The following CNTLN variants were observed in gnomAD, a reference collection of about 807,000 sequenced individuals.
CNTLN encodes centlein.
In CNTLN, 212 loss-of-function variants were observed where a neutral mutation model predicts 180.0. That is an observed-to-expected ratio of 1.18 (90% CI 1.05 to 1.32). The LOEUF is 1.32. Ranked by LOEUF, CNTLN falls within the 40% of genes most tolerant of loss-of-function variation. The probability of loss-of-function intolerance (pLI) is 0.00; values close to 1 mark genes in which losing one functional copy is unlikely to be tolerated. For missense variants in CNTLN, 2,095 were observed against 1,610.9 expected, an observed-to-expected ratio of 1.30 and a Z score of -5.14; for synonymous variants, 722 against 563.1, an observed-to-expected ratio of 1.28 and a Z score of -3.99.
rs1427198322 is a variant in CNTLN, at chr9:17,502,804, T to G, written c.*152T>G. The G allele has an allele frequency of 2.5e-6, 1 of 397,622 alleles. No homozygotes were observed. The highest frequency in any genetic ancestry group is 4.6e-6 in the Non-Finnish European group (1 of 218,272). The allele number at this position is 397,622 out of a possible 1,614,324, so 24.6% of individuals were successfully genotyped here. A position where few individuals can be genotyped will look rare whatever the true frequency, so the allele number is the denominator to read the frequency against. ...GAAGTCTCTGAAAATAATTAATTGC[T>G]GAACAAGTGAAACTAATTAAGTACA... On this transcript the variant is annotated 3_prime_UTR_variant, in exon 26 of 26. Coordinates refer to ENST00000380647, the MANE Select transcript of CNTLN (RefSeq NM_017738.4).
chr9:17,166,820 G>A (rs759299562), intron 2 of CNTLN: 19 of 406,906 alleles, frequency 4.7e-5, no homozygotes, highest in South Asian at 3.2e-4. Flanking sequence ...ATTCTTAGGA[G>A]GCCACCGGAA....
At chr9:17,174,714 A>AG (rs1820615031) in intron 2 of CNTLN, among the ~76,000 whole-genome samples, 1 of 151,358 alleles carries the variant, frequency 6.6e-6, no homozygotes, top group African/African-American at 2.4e-5. Flanking sequence ...AAAAAAAAAA[A>AG]GAAAGAAATT....
In CNTLN at chr9:17,394,984, A is replaced by C. The variant is rs768049849; in HGVS notation, c.2530A>C (p.Thr844Pro). ...AAATTGCTCTGTGGGTCGTCACCACACTGTTCTCAATCATTCCATCAAGGT... is the reference window on the plus strand; with the variant it reads ...AAATTGCTCTGTGGGTCGTCACCACCCTGTTCTCAATCATTCCATCAAGGT... ...KKNCSVGRHH[T>P]VLNHSIKVMS... Residue 844 changes from threonine to proline, a missense_variant, in exon 15 of 26, where the codon ACT becomes CCT. Thr to Pro is a conservative substitution (Grantham distance 38). Coordinates refer to ENST00000380647, the MANE Select transcript of CNTLN (RefSeq NM_017738.4). 6.2e-7 allele frequency: 1 copy of C among 1,613,714 alleles called. No individual in the cohort carries two copies. Among genetic ancestry groups the C allele is most frequent in the South Asian group, 1.1e-5 (1 of 91,076 alleles).
chr9:17,249,651 G>A (rs76662255), intron 5 of CNTLN, among the ~76,000 whole-genome samples: 8,360 of 151,970 alleles, frequency 0.055, 337 homozygotes, highest in Non-Finnish European at 0.081. Flanking sequence ...ATCCAGCTGA[G>A]TGTGTTTTTA....
intron 16 of CNTLN, among the ~76,000 whole-genome samples, chr9:17,410,477 C>T (rs1827762383): frequency 6.6e-6 from 1 of 152,066 alleles, no homozygotes; most frequent in South Asian, 2.1e-4. Flanking sequence ...TCTTTTCCTA[C>T]TCCATGGTGT....
chr9:17,459,562 A>G (rs1243827867), intron 19 of CNTLN, among the ~76,000 whole-genome samples: 1 of 151,792 alleles, frequency 6.6e-6, no homozygotes, highest in African/African-American at 2.4e-5. Flanking sequence ...TTTTGTTTTG[A>G]TGCTGGTTTG....
intron 18 of CNTLN, chr9:17,444,138 A>C (rs887179445): frequency 6.6e-6 from 1 of 152,200 alleles, no homozygotes; most frequent in African/African-American, 2.4e-5. Context: ...AGGTACAGAA[A>C]ATTGCAGACA....
chr9:17,360,156 A>T (rs945194769), intron 12 of CNTLN, among the ~76,000 whole-genome samples: 9 of 152,186 alleles, frequency 5.9e-5, no homozygotes, highest in African/African-American at 2.2e-4. Flanking sequence ...AGTTCAAAAT[A>T]ATTCCTAGTT....
chr9:17,516,596 T>C, the CNTLN span, among the ~76,000 whole-genome samples: 1 of 152,300 alleles, frequency 6.6e-6, no homozygotes, highest in East Asian at 1.9e-4. Flanking sequence ...TTTAGATTCT[T>C]CTTGGCCCCC....
intron 6 of CNTLN, among the ~76,000 whole-genome samples, chr9:17,294,532 G>A (rs954719645): frequency 6.6e-6 from 1 of 151,262 alleles, no homozygotes; most frequent in Non-Finnish European, 1.5e-5. Context: ...GCTAGATACA[G>A]AGTGCTGATT....
intron 3 of CNTLN, among the ~76,000 whole-genome samples, chr9:17,233,155 A>G (rs1194586674): frequency 6.6e-6 from 1 of 152,092 alleles, no homozygotes; most frequent in African/African-American, 2.4e-5. Context: ...TAATCCAGAG[A>G]AGTGTTCTTC....
chr9:17,242,697 C>G (rs1391819033), intron 5 of CNTLN, among the ~76,000 whole-genome samples: 1 of 152,120 alleles, frequency 6.6e-6, no homozygotes, highest in Non-Finnish European at 1.5e-5. Flanking sequence ...TCCTTGCATC[C>G]CTAGGATAAA....
Position 17,464,449 on chromosome 9 carries a change from GT to G in CNTLN, c.3405-46del, listed in dbSNP as rs778663752. The G allele has an allele frequency of 6.1e-6, 9 of 1,476,514 alleles. No homozygotes were observed. In the East Asian group the frequency reaches 2.1e-4, roughly 34 times the overall value. 91.5% of individuals were successfully genotyped at this position (1,476,514 alleles called of 1,614,324 possible). On this transcript the variant is annotated intron_variant, in intron 20 of 25. Coordinates refer to ENST00000380647, the MANE Select transcript of CNTLN (RefSeq NM_017738.4). ...GGATAAAATGTAAGATATCACCACT[GT>G]TAAGGTATTTTCTGTCACTCTTGAT... is the stretch of plus-strand genomic sequence containing the variant.
chr9:17,494,622 T>C lies in CNTLN; in HGVS notation c.4119+7556T>C, dbSNP rs564258327. 3.9e-5 allele frequency among the ~76,000 whole-genome samples: 6 copies of C among 152,240 alleles called. No homozygotes were observed. In the South Asian group the frequency reaches 8.3e-4, roughly 21 times the overall value. On this transcript the variant is annotated intron_variant, in intron 25 of 25. Transcript: ENST00000380647. ...CCCACTTATAAGTGAGAATAGGCAA[T>C]ATTTGGTTTTCTGTTCCTGCATTAG...
intron 2 of CNTLN, among the ~76,000 whole-genome samples, chr9:17,193,773 A>G (rs1806484403): frequency 6.6e-6 from 1 of 152,154 alleles, no homozygotes; most frequent in Admixed American, 6.5e-5. Context: ...GGTGCTCTGT[A>G]TGGGGGCTCC....
rs199753962 is a variant in CNTLN at position 17,135,135 on chromosome 9, C to A, written c.70C>A (p.Arg24Ser). 7.6e-5 allele frequency: 122 copies of A among 1,607,620 alleles called. No homozygotes were observed. In the African/African-American group the frequency reaches 1.6e-3, roughly 21 times the overall value. The change falls in exon 1 of 26, where the codon CGT (arginine) becomes AGT (serine). Residue 24 changes from arginine (R) to serine (S), a missense_variant. Arg to Ser is a moderately radical substitution (Grantham distance 110). Transcript: ENST00000380647. ...GCGACAGCTGGGCCCCAGGTCCCCA[C>A]GTGTTGGGCGGGGAGCTGAAGTACA... Reference protein sequence around the residue: ...PARQLGPRSPRVGRGAEVHAM... With the variant: ...PARQLGPRSPSVGRGAEVHAM...
chr9:17,299,683 C>A (rs1241156255), intron 7 of CNTLN: 1 of 976,654 alleles, frequency 1.0e-6, no homozygotes, highest in Non-Finnish European at 1.2e-6. Flanking sequence ...ACATTGCCCA[C>A]TGTGTTTTTT....
intron 23 of CNTLN, among the ~76,000 whole-genome samples, chr9:17,478,105 A>G (rs1244976145): frequency 1.3e-5 from 2 of 152,240 alleles, no homozygotes; most frequent in East Asian, 1.9e-4. Context: ...TCAGATGATC[A>G]TTAGCATTTT....
At chr9:17,439,151 A>G (rs1372704) in intron 18 of CNTLN, among the ~76,000 whole-genome samples, 10,944 of 152,278 alleles carry the variant, frequency 0.072, 544 homozygotes, top group East Asian at 0.18. Context: ...CCTCTAAAAT[A>G]TAAACATCTA....
Sources: allele counts gnomAD v4.1 joint callset (sites outside exome capture counted in the v4.1 genomes callset), GRCh38; gene constraint gnomAD v4.1.1; transcripts MANE v1.5; gene names NCBI Gene and HGNC (gene_info 2026-07-23, HGNC 2026-07-21).